The following AMPD3 variants were observed in gnomAD, a reference collection of about 807,000 sequenced individuals.
The protein encoded by AMPD3 is AMP deaminase 3.
AMPD3 carries 57 observed loss-of-function variants against 82.3 expected under a neutral mutation model. That is an observed-to-expected ratio of 0.69 (90% CI 0.56 to 0.86). The LOEUF (loss-of-function observed/expected upper bound fraction) is 0.86. Among genes scored for constraint, AMPD3 ranks in the 40% least tolerant of loss-of-function variants. AMPD3 has a pLI of 0.00. For synonymous variants in AMPD3, 381 were observed against 394.7 expected, an observed-to-expected ratio of 0.97 and a Z score of 0.41; for missense variants, 870 against 1,003.8, an observed-to-expected ratio of 0.87 and a Z score of 1.80.
rs563562021 is a variant in AMPD3 at position 10,460,260 on chromosome 11, G to A, written c.-5-1255G>A. On this transcript the variant is annotated intron_variant, in intron 1 of 14. Transcript: ENST00000396553. ...TTACAGGCATGCATCACCATACCTG[G>A]CTAATTCTTTAAATCTTTTTTAGGG... is the stretch of plus-strand genomic sequence containing the variant. Among the ~76,000 whole-genome samples, 220 of 151,412 alleles carry A rather than the reference G, an allele frequency of 1.5e-3. 1 individual carries two copies. Among genetic ancestry groups the A allele is most frequent in the Admixed American group, 4.6e-3 (70 of 15,178 alleles).
intron 5 of AMPD3, among the ~76,000 whole-genome samples, chr11:10,485,458 T>C (rs1397682010): frequency 6.6e-6 from 1 of 152,100 alleles, no homozygotes; most frequent in African/African-American, 2.4e-5. Flanking sequence ...TTGCCTAGGC[T>C]GGTCTCAAAC....
chr11:10,482,233 G>C lies in AMPD3; in HGVS notation c.589+8G>C, dbSNP rs777496309. 10 of 1,610,746 alleles carry C rather than the reference G, an allele frequency of 6.2e-6. No individual in the cohort carries two copies. Among genetic ancestry groups the C allele is most frequent in the South Asian group, 3.3e-5 (3 of 90,976 alleles). ...CGGAAGAGGGCCTTCCAGGTATGGA[G>C]CTCTGGCTGGAGGTTGGGTCCCAAG... On this transcript the variant is annotated splice_region_variant and intron_variant, in intron 4 of 14. Coordinates refer to ENST00000396553, the MANE Select transcript of AMPD3 (RefSeq NM_001025389.2).
intron 5 of AMPD3, among the ~76,000 whole-genome samples, chr11:10,486,248 C>A (rs1040976375): frequency 2.6e-5 from 4 of 152,164 alleles, no homozygotes; most frequent in African/African-American, 9.7e-5. Flanking sequence ...TCCGTCCACT[C>A]TGGGGCTTGT....
chr11:10,505,672 G>T, intron 14 of AMPD3, 36 bp from the exon 15 acceptor site: 1 of 1,608,774 alleles, frequency 6.2e-7, no homozygotes, highest in Non-Finnish European at 8.5e-7. Flanking sequence ...TGAATCAAAA[G>T]TATATAGTTT....
chr11:10,502,650 C>T, intron 12 of AMPD3, 71 bp from the exon 13 acceptor site: 1 of 1,599,118 alleles, frequency 6.3e-7, no homozygotes, highest in Non-Finnish European at 8.5e-7. Context: ...TTCTTCCCTT[C>T]CTTTCTCCCT....
upstream of AMPD3, among the ~76,000 whole-genome samples, chr11:10,453,735 C>T (rs184916586): frequency 3.3e-5 from 5 of 152,144 alleles, no homozygotes; most frequent in East Asian, 7.7e-4. Flanking sequence ...ACTACAGGTG[C>T]GCACCACCAT....
chr11:10,477,743 G>A, intron 2 of AMPD3: 1 of 319,480 alleles, frequency 3.1e-6, no homozygotes, highest in Non-Finnish European at 4.5e-6. Flanking sequence ...CTAGAGGAGG[G>A]AGCAGCAGGG....
chr11:10,502,929 G>A (rs747459781), intron 13 of AMPD3, 35 bp downstream of exon 13: 12 of 1,602,992 alleles, frequency 7.5e-6, no homozygotes, highest in African/African-American at 6.7e-5. Context: ...TAGTGCTTCA[G>A]TAGGCACCAG....
chr11:10,452,022 T>C (rs2133799058), upstream of AMPD3, among the ~76,000 whole-genome samples: 1 of 152,202 alleles, frequency 6.6e-6, no homozygotes, highest in East Asian at 1.9e-4. Context: ...AGGATGATGG[T>C]ATGGGGCTGC....
intron 9 of AMPD3, chr11:10,496,227 C>T: frequency 1.0e-6 from 1 of 985,386 alleles, no homozygotes; most frequent in African/African-American, 1.7e-5. Flanking sequence ...CACTAGAACT[C>T]TTGATCTTTG....
At chr11:10,451,064 G>T (rs1191023240), upstream of AMPD3, 1 of 1,570,336 alleles carries the variant, frequency 6.4e-7, no homozygotes. Flanking sequence ...GCGAGGCTGC[G>T]CTGCTGACCT....
At chr11:10,494,777 A>G in intron 7 of AMPD3, 122 bp from the exon 8 acceptor site, 1 of 1,580,440 alleles carries the variant, frequency 6.3e-7, no homozygotes, top group South Asian at 1.1e-5. Flanking sequence ...TCATGCAAGA[A>G]TTGACATAGA....
Position 10,506,088 on chromosome 11 carries a change from T to G in AMPD3, c.*204T>G. On this transcript the variant is annotated 3_prime_UTR_variant, in exon 15 of 15. Coordinates refer to ENST00000396553, the MANE Select transcript of AMPD3 (RefSeq NM_001025389.2). This position sits in a 1 kb window ranked among gnomAD's most constrained non-coding sequence, Gnocchi z 4.1. ...TATTTCTGAGTAACAAGATGGTGAC[T>G]TCTCCTTGGGGATCTGGGAGCTGAG... The G allele has an allele frequency of 1.6e-6, 1 of 631,492 alleles. No individual in the cohort carries two copies. Among genetic ancestry groups the G allele is most frequent in the Non-Finnish European group, 2.8e-6 (1 of 353,858 alleles). 39.1% of individuals were successfully genotyped at this position (631,492 alleles called of 1,614,324 possible).
intron 5 of AMPD3, among the ~76,000 whole-genome samples, chr11:10,486,020 G>A (rs1185988873): frequency 6.6e-6 from 1 of 152,210 alleles, no homozygotes; most frequent in East Asian, 1.9e-4. Context: ...GTAGCATAGT[G>A]AGCCCAATGT....
intron 11 of AMPD3, chr11:10,501,042 T>G (rs994132065): frequency 2.0e-6 from 2 of 985,326 alleles, no homozygotes; most frequent in Non-Finnish European, 2.4e-6. Flanking sequence ...GCTCTGGTTC[T>G]GGCTTTGCTA....
upstream of AMPD3, chr11:10,450,945 G>A (rs1847944787): frequency 7.1e-7 from 1 of 1,416,884 alleles, no homozygotes; most frequent in Non-Finnish European, 9.2e-7. Context: ...TGGCCTCAGT[G>A]CCCAGCAGCC....
At chr11:10,503,530 C>T (rs1014280773) in intron 13 of AMPD3, among the ~76,000 whole-genome samples, 4 of 152,106 alleles carry the variant, frequency 2.6e-5, no homozygotes, top group African/African-American at 9.7e-5. Flanking sequence ...CCTTTATACT[C>T]TTAAGAATTG....
intron 1 of AMPD3, among the ~76,000 whole-genome samples, chr11:10,457,447 C>G (rs938714038): frequency 2.0e-5 from 3 of 152,090 alleles, no homozygotes; most frequent in African/African-American, 4.8e-5. Flanking sequence ...GCAACATCTC[C>G]CAATAACTGA....
chr11:10,503,511 C>T (rs1849633593), intron 13 of AMPD3, among the ~76,000 whole-genome samples: 2 of 152,164 alleles, frequency 1.3e-5, no homozygotes, highest in South Asian at 4.1e-4. Flanking sequence ...ACCTCTTGGT[C>T]TCTGGACCCC....
Sources: gnomAD v4.1 joint callset for allele counts (sites outside exome capture counted in the v4.1 genomes callset) on GRCh38, gnomAD v4.1.1 for gene constraint, Gnocchi (gnomAD v3.1) non-coding constraint, MANE v1.5 for transcripts, NCBI Gene and HGNC (gene_info 2026-07-23, HGNC 2026-07-21) for gene names.